The following ATXN7L3B variants were observed in gnomAD, a reference collection of about 807,000 sequenced individuals.
The protein encoded by ATXN7L3B is ataxin 7 like 3B, also known as ataxin-7-like protein 3B.
Under a neutral mutation model 6.3 loss-of-function variants are expected in ATXN7L3B, and 4 were observed. That is an observed-to-expected ratio of 0.63 (90% CI 0.31 to 1.45). ATXN7L3B has a LOEUF of 1.45. Among genes scored for constraint, ATXN7L3B ranks in the 40% most tolerant of loss-of-function variants. The probability of loss-of-function intolerance (pLI) is 0.07; values close to 1 mark genes in which losing one functional copy is unlikely to be tolerated. For synonymous variants in ATXN7L3B, 63 were observed against 48.0 expected, an observed-to-expected ratio of 1.31 and a Z score of -1.29; for missense variants, 120 against 118.5, an observed-to-expected ratio of 1.01 and a Z score of -0.06.
At position 74,543,613 on chromosome 12, in the gene ATXN7L3B, T is replaced by G. The variant is rs1284628940; in HGVS notation, c.*5207T>G. 6.6e-6 allele frequency: 1 copy of G among 151,844 alleles called. No homozygotes were observed. The highest frequency in any genetic ancestry group is 2.4e-5 in the African/African-American group (1 of 41,388). 9.4% of individuals were successfully genotyped at this position (151,844 alleles called of 1,614,324 possible). ...TACCAAAATAGATTTTTTTTTTAAATGAAGATGTTAGCAAACCAACTCCTT... is the reference window on the plus strand; with the variant it reads ...TACCAAAATAGATTTTTTTTTTAAAGGAAGATGTTAGCAAACCAACTCCTT... On this transcript the variant is annotated 3_prime_UTR_variant, in exon 1 of 1. Coordinates refer to ENST00000519948, the MANE Select transcript of ATXN7L3B (RefSeq NM_001136262.2).
In ATXN7L3B at chr12:74,539,277, G is replaced by A. The variant is rs1592595680; in HGVS notation, c.*871G>A. On this transcript the variant is annotated 3_prime_UTR_variant, in exon 1 of 1. Coordinates refer to ENST00000519948, the MANE Select transcript of ATXN7L3B (RefSeq NM_001136262.2). Reference sequence around the variant, plus strand: ...GCTGTGGATATAAGTTTAGTAGGGCGGTCATTTCCTACTCTGAGTTACTGG... The same window carrying A: ...GCTGTGGATATAAGTTTAGTAGGGCAGTCATTTCCTACTCTGAGTTACTGG... 2 of 166,990 alleles carry A rather than the reference G, an allele frequency of 1.2e-5. No homozygotes were observed. The highest frequency in any genetic ancestry group is 6.5e-5 in the Admixed American group (1 of 15,276). The allele number at this position is 166,990 out of a possible 1,614,324, so 10.3% of individuals were successfully genotyped here.
At position 74,544,918 on chromosome 12, in the gene ATXN7L3B, G is replaced by C. The variant is rs1200508844; in HGVS notation, c.*6512G>C. The C allele has an allele frequency of 2.0e-5, 3 of 151,938 alleles. No individual in the cohort carries two copies. Among genetic ancestry groups the C allele is most frequent in the Non-Finnish European group, 2.9e-5 (2 of 67,852 alleles). 9.4% of individuals were successfully genotyped at this position (151,938 alleles called of 1,614,324 possible). ...CAATTGCCAAATGTATAAAGTAAAA[G>C]AACAGCTCATTCTTACAAAAAGAAA... On this transcript the variant is annotated 3_prime_UTR_variant, in exon 1 of 1. Transcript: ENST00000519948.
chr12:74,538,510 T>G lies in ATXN7L3B; in HGVS notation c.*104T>G. The G allele has an allele frequency of 2.8e-6, 3 of 1,063,088 alleles. No homozygotes were observed. Among genetic ancestry groups the G allele is most frequent in the Non-Finnish European group, 4.0e-6 (3 of 745,946 alleles). The allele number at this position is 1,063,088 out of a possible 1,614,324, so 65.9% of individuals were successfully genotyped here. A position where few individuals can be genotyped will look rare whatever the true frequency, so the allele number is the denominator to read the frequency against. On this transcript the variant is annotated 3_prime_UTR_variant, in exon 1 of 1. Coordinates refer to ENST00000519948, the MANE Select transcript of ATXN7L3B (RefSeq NM_001136262.2). The stretch of plus-strand genomic sequence containing the variant: ...AAAAAGTAGAAAAATCAGACAAAAG[T>G]TTTAATTCCCCCTTGAAGATCCTAG...
rs1282908337 is a variant in ATXN7L3B at position 74,543,286 on chromosome 12, T to C, written c.*4880T>C. 2 of 152,064 alleles carry C rather than the reference T, an allele frequency of 1.3e-5. No homozygotes were observed. Among genetic ancestry groups the C allele is most frequent in the Non-Finnish European group, 2.9e-5 (2 of 67,946 alleles). The allele number at this position is 152,064 out of a possible 1,614,324, so 9.4% of individuals were successfully genotyped here. A position where few individuals can be genotyped will look rare whatever the true frequency, so the allele number is the denominator to read the frequency against. ...AATTTACAAGTGGTGGAAGCAAAAG[T>C]AGAATGCTGCTGTTGTGACTCCTAG... On this transcript the variant is annotated 3_prime_UTR_variant, in exon 1 of 1. Transcript: ENST00000519948.
In ATXN7L3B at chr12:74,541,115, C is replaced by T. The variant is rs1868883626; in HGVS notation, c.*2709C>T. On this transcript the variant is annotated 3_prime_UTR_variant, in exon 1 of 1. Coordinates refer to ENST00000519948, the MANE Select transcript of ATXN7L3B (RefSeq NM_001136262.2). ...TATGTGTATTGATCACCCTGCAATC[C>T]TATTATGTATCTGAGTGTGTGTGTG... 6.1e-6 allele frequency: 1 copy of T among 164,562 alleles called. No homozygotes were observed. The highest frequency in any genetic ancestry group is 2.2e-4 in the East Asian group (1 of 4,534). 10.2% of individuals were successfully genotyped at this position (164,562 alleles called of 1,614,324 possible).
In ATXN7L3B at chr12:74,544,956, A is replaced by G. The variant is rs1167251614; in HGVS notation, c.*6550A>G. The G allele has an allele frequency of 6.6e-6, 1 of 152,054 alleles. No individual in the cohort carries two copies. Among genetic ancestry groups the G allele is most frequent in the Non-Finnish European group, 1.5e-5 (1 of 67,902 alleles). The allele number at this position is 152,054 out of a possible 1,614,324, so 9.4% of individuals were successfully genotyped here. On this transcript the variant is annotated 3_prime_UTR_variant, in exon 1 of 1. Transcript: ENST00000519948. ...TTACAAAAAGAAATATGAATGGCCAAAAAGTTGTAAAAGTTCCCTTAGGTT... is the reference window on the plus strand; with the variant it reads ...TTACAAAAAGAAATATGAATGGCCAGAAAGTTGTAAAAGTTCCCTTAGGTT...
Position 74,542,325 on chromosome 12 carries a change from T to C in ATXN7L3B, c.*3919T>C, listed in dbSNP as rs1360993814. 2.6e-5 allele frequency: 4 copies of C among 152,182 alleles called. No homozygotes were observed. The highest frequency in any genetic ancestry group is 5.9e-5 in the Non-Finnish European group (4 of 68,014). The allele number at this position is 152,182 out of a possible 1,614,324, so 9.4% of individuals were successfully genotyped here. ...TTCACCAAGATTGGGTATTTTGCCT[T>C]AAGTAAGATTTCTACTACTTTTATT... is the stretch of plus-strand genomic sequence containing the variant. On this transcript the variant is annotated 3_prime_UTR_variant, in exon 1 of 1. Transcript: ENST00000519948.
rs1278535970 is a variant in ATXN7L3B, at chr12:74,538,157, G to A, written c.45G>A (p.Glu15=). The change falls in exon 1 of 1, where the codon GAG becomes GAA. Residue 15 remains glutamate (E), a synonymous_variant. Coordinates refer to ENST00000519948, the MANE Select transcript of ATXN7L3B (RefSeq NM_001136262.2). ...CCAACCTGGATACTAACAAGCTAGA[G>A]GCCATCGCTCAGGAGATTTACGTAG... ...SLANLDTNKL[E]AIAQEIYVDL... The A allele has an allele frequency of 4.4e-6, 7 of 1,581,804 alleles. No homozygotes were observed. Among genetic ancestry groups the A allele is most frequent in the Admixed American group, 1.8e-5 (1 of 54,954 alleles).
rs1234038344 is a variant in ATXN7L3B, at chr12:74,543,401, C to T, written c.*4995C>T. ...AAAAATCCATGATGCTTATGAACAA[C>T]GTTAGGGCAATGAATTTGAAAACAA... is the stretch of plus-strand genomic sequence containing the variant. On this transcript the variant is annotated 3_prime_UTR_variant, in exon 1 of 1. Transcript: ENST00000519948. 1 of 151,884 alleles carries T rather than the reference C, an allele frequency of 6.6e-6. No individual in the cohort carries two copies. Among genetic ancestry groups the T allele is most frequent in the East Asian group, 1.9e-4 (1 of 5,198 alleles). The allele number at this position is 151,884 out of a possible 1,614,324, so 9.4% of individuals were successfully genotyped here.
Position 74,538,753 on chromosome 12 carries a change from A to G in ATXN7L3B, c.*347A>G. 3.9e-6 allele frequency: 1 copy of G among 256,450 alleles called. No homozygotes were observed. The allele number at this position is 256,450 out of a possible 1,614,324, so 15.9% of individuals were successfully genotyped here. ...CAGCATATAAAATTTTTGGTTCCTC[A>G]GCCTTTCTGTCTGCCTGATGTCAAG... On this transcript the variant is annotated 3_prime_UTR_variant, in exon 1 of 1. Coordinates refer to ENST00000519948, the MANE Select transcript of ATXN7L3B (RefSeq NM_001136262.2).
rs1868984498 is a variant in ATXN7L3B at position 74,544,859 on chromosome 12, T to C, written c.*6453T>C. On this transcript the variant is annotated 3_prime_UTR_variant, in exon 1 of 1. Transcript: ENST00000519948. ...TGATGTGCTAGTTGTTTAGTTCTTA[T>C]AACTGATTAAAGATTACTAACAAAA... The C allele has an allele frequency of 6.6e-6, 1 of 152,050 alleles. No individual in the cohort carries two copies. Among genetic ancestry groups the C allele is most frequent in the Admixed American group, 6.5e-5 (1 of 15,274 alleles). 9.4% of individuals were successfully genotyped at this position (152,050 alleles called of 1,614,324 possible).
chr12:74,544,505 A>G lies in ATXN7L3B; in HGVS notation c.*6099A>G, dbSNP rs1868975947. 6.6e-6 allele frequency: 1 copy of G among 151,960 alleles called. No homozygotes were observed. Among genetic ancestry groups the G allele is most frequent in the Admixed American group, 6.6e-5 (1 of 15,264 alleles). The allele number at this position is 151,960 out of a possible 1,614,324, so 9.4% of individuals were successfully genotyped here. On this transcript the variant is annotated 3_prime_UTR_variant, in exon 1 of 1. Coordinates refer to ENST00000519948, the MANE Select transcript of ATXN7L3B (RefSeq NM_001136262.2). ...AGAGTTTAGAATTAGATCGAAACACACAGATTACACGTTTATGTCTTGATG... is the reference window on the plus strand; with the variant it reads ...AGAGTTTAGAATTAGATCGAAACACGCAGATTACACGTTTATGTCTTGATG...
rs1334212971 is a variant in ATXN7L3B, at chr12:74,541,887, ACCT to A, written c.*3483_*3485del. 2.6e-5 allele frequency: 4 copies of A among 152,206 alleles called. No homozygotes were observed. The highest frequency in any genetic ancestry group is 4.4e-5 in the Non-Finnish European group (3 of 68,036). The allele number at this position is 152,206 out of a possible 1,614,324, so 9.4% of individuals were successfully genotyped here. On this transcript the variant is annotated 3_prime_UTR_variant, in exon 1 of 1. Coordinates refer to ENST00000519948, the MANE Select transcript of ATXN7L3B (RefSeq NM_001136262.2). The stretch of plus-strand genomic sequence containing the variant: ...TTTTTTTCTCAATACTTAAAAAATT[ACCT>A]CAACACTTTAGATCTTTCATTTCAT...
At position 74,542,374 on chromosome 12, in the gene ATXN7L3B, A is replaced by G. The variant is rs183363081; in HGVS notation, c.*3968A>G. On this transcript the variant is annotated 3_prime_UTR_variant, in exon 1 of 1. Transcript: ENST00000519948. ...TTAAAATTCACTGTAGGGATCTACTATCAATTAGCTTTCAAATACATCTGC... is the reference window on the plus strand; with the variant it reads ...TTAAAATTCACTGTAGGGATCTACTGTCAATTAGCTTTCAAATACATCTGC... The G allele has an allele frequency of 3.3e-5, 5 of 152,322 alleles. No individual in the cohort carries two copies. The East Asian group carries it at 7.7e-4, about 23-fold the overall frequency. 9.4% of individuals were successfully genotyped at this position (152,322 alleles called of 1,614,324 possible). A position where few individuals can be genotyped will look rare whatever the true frequency, so the allele number is the denominator to read the frequency against.
rs1868879922 is a variant in ATXN7L3B at position 74,540,993 on chromosome 12, G to A, written c.*2587G>A. On this transcript the variant is annotated 3_prime_UTR_variant, in exon 1 of 1. Transcript: ENST00000519948. ...GAGGGTACATACTCCTTTCTGGGGA[G>A]AGAATGCTCCCTACCATATAGTTGA... 6.0e-6 allele frequency: 1 copy of A among 166,812 alleles called. No individual in the cohort carries two copies. The highest frequency in any genetic ancestry group is 6.6e-5 in the Admixed American group (1 of 15,266). The allele number at this position is 166,812 out of a possible 1,614,324, so 10.3% of individuals were successfully genotyped here. A position where few individuals can be genotyped will look rare whatever the true frequency, so the allele number is the denominator to read the frequency against.
rs1347629771 is a variant in ATXN7L3B, at chr12:74,543,760, A to C, written c.*5354A>C. Reference sequence around the variant, plus strand: ...TGAAAATTTGAACTGATACTGAAAAATAGTTTGAAAAAATTCAATACGAAT... The same window carrying C: ...TGAAAATTTGAACTGATACTGAAAACTAGTTTGAAAAAATTCAATACGAAT... On this transcript the variant is annotated 3_prime_UTR_variant, in exon 1 of 1. Transcript: ENST00000519948. 6.6e-6 allele frequency: 1 copy of C among 152,072 alleles called. No individual in the cohort carries two copies. Among genetic ancestry groups the C allele is most frequent in the South Asian group, 2.1e-4 (1 of 4,834 alleles). 9.4% of individuals were successfully genotyped at this position (152,072 alleles called of 1,614,324 possible).
Position 74,538,503 on chromosome 12 carries a change from AC to A in ATXN7L3B, c.*98del. The stretch of plus-strand genomic sequence containing the variant: ...AAGTAGAAAAAAGTAGAAAAATCAG[AC>A]AAAAGTTTTAATTCCCCCTTGAAGA... On this transcript the variant is annotated 3_prime_UTR_variant, in exon 1 of 1. Coordinates refer to ENST00000519948, the MANE Select transcript of ATXN7L3B (RefSeq NM_001136262.2). 8.5e-7 allele frequency: 1 copy of A among 1,178,938 alleles called. No individual in the cohort carries two copies. Among genetic ancestry groups the A allele is most frequent in the East Asian group, 2.6e-5 (1 of 38,752 alleles). The allele number at this position is 1,178,938 out of a possible 1,614,324, so 73.0% of individuals were successfully genotyped here.
In ATXN7L3B at chr12:74,542,605, T is replaced by A. The variant is rs1489748321; in HGVS notation, c.*4199T>A. 1 of 151,678 alleles carries A rather than the reference T, an allele frequency of 6.6e-6. No homozygotes were observed. The highest frequency in any genetic ancestry group is 2.4e-5 in the African/African-American group (1 of 41,260). The allele number at this position is 151,678 out of a possible 1,614,324, so 9.4% of individuals were successfully genotyped here. The stretch of plus-strand genomic sequence containing the variant: ...ACATTGCATACCTTTTAACTACCAA[T>A]GTTTAACCTCCTAGATTTAGCATTT... On this transcript the variant is annotated 3_prime_UTR_variant, in exon 1 of 1. Transcript: ENST00000519948.
rs929894290 is a variant in ATXN7L3B at position 74,540,654 on chromosome 12, T to C, written c.*2248T>C. 6.0e-6 allele frequency: 1 copy of C among 167,042 alleles called. No homozygotes were observed. Among genetic ancestry groups the C allele is most frequent in the Non-Finnish European group, 1.5e-5 (1 of 68,114 alleles). The allele number at this position is 167,042 out of a possible 1,614,324, so 10.3% of individuals were successfully genotyped here. ...TTGCCCTTGACTTGTAGACGACATC[T>C]AAGAGGATGAAGAAAGGAGAGTCTA... On this transcript the variant is annotated 3_prime_UTR_variant, in exon 1 of 1. Coordinates refer to ENST00000519948, the MANE Select transcript of ATXN7L3B (RefSeq NM_001136262.2).
Sources: allele counts gnomAD v4.1 joint callset, GRCh38; gene constraint gnomAD v4.1.1; transcripts MANE v1.5; gene names NCBI Gene and HGNC (gene_info 2026-07-23, HGNC 2026-07-21).